ENY2: variants seen among roughly 807,000 people sequenced by gnomAD.
ENY2 encodes ENY2 transcription and export complex 2 subunit, also known as transcription and mRNA export factor ENY2.
ENY2 carries 4 observed loss-of-function variants against 15.9 expected under a neutral mutation model. The ratio of observed to expected loss-of-function variants is 0.25; its 90% confidence interval spans 0.12 to 0.57. The LOEUF (loss-of-function observed/expected upper bound fraction) is 0.57, where lower values mean the gene tolerates loss of function less well. Among genes scored for constraint, ENY2 ranks in the 20% least tolerant of loss-of-function variants. ENY2 has a pLI of 0.91. For missense variants in ENY2, 54 were observed against 117.2 expected, an observed-to-expected ratio of 0.46 and a Z score of 2.49; for synonymous variants, 48 against 38.0, an observed-to-expected ratio of 1.26 and a Z score of -0.97.
chr8:109,338,276 A>C (rs1015311480), intron 2 of ENY2: 9 of 152,182 alleles, frequency 5.9e-5, no homozygotes, highest in African/African-American at 2.2e-4. Context: ...AGAAAGGTGA[A>C]TTCTAGGTAT....
rs1816152120 is a variant in ENY2 at position 109,342,827 on chromosome 8, G to A, written c.230-578G>A. The A allele has an allele frequency of 5.3e-6, 3 of 564,186 alleles. No individual in the cohort carries two copies. In the South Asian group the frequency reaches 6.2e-5, roughly 12 times the overall value. 34.9% of individuals were successfully genotyped at this position (564,186 alleles called of 1,614,324 possible). ...CCAACACAGTATATTATTGACCTTT[G>A]TATTTTTGCCTATGATTGGTAAAAT... On this transcript the variant is annotated intron_variant, in intron 4 of 4. Transcript: ENST00000521688.
At chr8:109,336,274 A>G (rs1815983307) in intron 2 of ENY2, 70 bp downstream of exon 2, 5 of 1,256,862 alleles carry the variant, frequency 4.0e-6, no homozygotes, top group Non-Finnish European at 5.7e-6. Flanking sequence ...GAATCTAAAC[A>G]AGAAATGAAA....
rs1479828542 is a variant in ENY2 at position 109,344,462 on chromosome 8, A to G, written c.*981A>G. 6.6e-6 allele frequency: 1 copy of G among 152,180 alleles called. No homozygotes were observed. Among genetic ancestry groups the G allele is most frequent in the African/African-American group, 2.4e-5 (1 of 41,410 alleles). 9.4% of individuals were successfully genotyped at this position (152,180 alleles called of 1,614,324 possible). ...TTGATAAATGCTAAACTGTCTCCAA[A>G]CCAGACTTCATCCTAGCCTCCACAC... On this transcript the variant is annotated 3_prime_UTR_variant, in exon 5 of 5. Coordinates refer to ENST00000521688, the MANE Select transcript of ENY2 (RefSeq NM_020189.6).
intron 2 of ENY2, 91 bp from the exon 3 acceptor site, chr8:109,339,229 A>T: frequency 2.5e-6 from 3 of 1,189,792 alleles, no homozygotes; most frequent in Non-Finnish European, 3.7e-6. Flanking sequence ...GAAGGCAGGG[A>T]ATTTTTAGTT....
At chr8:109,335,989 AATG>A (rs1164312309) in intron 1 of ENY2, 136 bp from the exon 2 acceptor site, 2 of 728,416 alleles carry the variant, frequency 2.7e-6, no homozygotes, top group African/African-American at 3.6e-5. Context: ...AATAAAGAGT[AATG>A]ATATTATTAA....
chr8:109,343,322 A>G, intron 4 of ENY2, 83 bp from the exon 5 acceptor site: 1 of 1,094,608 alleles, frequency 9.1e-7, no homozygotes, highest in Non-Finnish European at 1.3e-6. Context: ...TATGTTGTTT[A>G]CCCTGAGCAA....
Position 109,334,347 on chromosome 8 carries a change from G to A in ENY2, c.-122G>A. On this transcript the variant is annotated 5_prime_UTR_variant, in exon 1 of 5. In the 5' UTR this introduces an upstream ATG that the reference lacks. Transcript: ENST00000521688. Reference sequence around the variant, plus strand: ...CCGGAAATGCGTGTTCTAGCTTTCTGTGTGCTTAGGTGCCCGAGCTACTGA... The same window carrying A: ...CCGGAAATGCGTGTTCTAGCTTTCTATGTGCTTAGGTGCCCGAGCTACTGA... 1 of 1,447,126 alleles carries A rather than the reference G, an allele frequency of 6.9e-7. No homozygotes were observed. Among genetic ancestry groups the A allele is most frequent in the Non-Finnish European group, 9.6e-7 (1 of 1,044,184 alleles). 89.6% of individuals were successfully genotyped at this position (1,447,126 alleles called of 1,614,324 possible).
At chr8:109,337,341 A>G (rs1816007273) in intron 2 of ENY2, among the ~76,000 whole-genome samples, 1 of 139,300 alleles carries the variant, frequency 7.2e-6, no homozygotes, top group Admixed American at 7.5e-5. Context: ...GGTAAGGAGT[A>G]CGGATTGTAT....
At chr8:109,343,255 T>A (rs1163757548) in intron 4 of ENY2, 150 bp from the exon 5 acceptor site, 4 of 578,864 alleles carry the variant, frequency 6.9e-6, no homozygotes, top group Non-Finnish European at 8.8e-6. Context: ...ACACTTTTCT[T>A]TGTCAGATAA....
At chr8:109,342,278 A>G (rs572631009) in intron 4 of ENY2, among the ~76,000 whole-genome samples, 17 of 150,830 alleles carry the variant, frequency 1.1e-4, no homozygotes, top group African/African-American at 3.6e-4. Context: ...CTCGGAGTGT[A>G]TATATGTGAA....
At position 109,344,803 on chromosome 8, in the gene ENY2, C is replaced by G. The variant is rs558665488; in HGVS notation, c.*1322C>G. 6.6e-6 allele frequency: 1 copy of G among 152,236 alleles called. No homozygotes were observed. Among genetic ancestry groups the G allele is most frequent in the African/African-American group, 2.4e-5 (1 of 41,540 alleles). The allele number at this position is 152,236 out of a possible 1,614,324, so 9.4% of individuals were successfully genotyped here. On this transcript the variant is annotated 3_prime_UTR_variant, in exon 5 of 5. Transcript: ENST00000521688. ...CCCTCGTAATTGTCTTAGTTCAAGC[C>G]CAGATTATTGTAGTAGACTTAGTAT...
At chr8:109,340,438 T>C (rs1480845884) in intron 3 of ENY2, 51 bp from the exon 4 acceptor site, 1 of 1,603,416 alleles carries the variant, frequency 6.2e-7, no homozygotes, top group East Asian at 2.3e-5. Flanking sequence ...AAAATCTTTC[T>C]TACAGATAAT....
intron 2 of ENY2, chr8:109,336,461 G>T: frequency 2.8e-6 from 1 of 353,100 alleles, no homozygotes; most frequent in Non-Finnish European, 5.2e-6. Context: ...GTACATACCT[G>T]AATTACAACT....
At chr8:109,336,089 G>C (rs1355396775) in intron 1 of ENY2, 39 bp from the exon 2 acceptor site, 1 of 1,598,426 alleles carries the variant, frequency 6.3e-7, no homozygotes, top group Non-Finnish European at 8.6e-7. Flanking sequence ...AAAATGCTTT[G>C]TAAATGTTCT....
intron 4 of ENY2, chr8:109,340,817 T>A (rs974528959): frequency 1.1e-5 from 4 of 380,188 alleles, no homozygotes; most frequent in Non-Finnish European, 1.9e-5. Flanking sequence ...AAATAATTTT[T>A]AAAATACGGG....
chr8:109,336,197 A>G lies in ENY2; in HGVS notation c.76A>G (p.Arg26Gly). ...CCAAAAGTTGATAGAAACTGGAGAAAGAGAACGGTAAGTAATAGATTGTGT... is the reference window on the plus strand; with the variant it reads ...CCAAAAGTTGATAGAAACTGGAGAAGGAGAACGGTAAGTAATAGATTGTGT... ...INQKLIETGE[R>G]ERLKELLRAK... Residue 26 changes from arginine to glycine, a missense_variant, in exon 2 of 5, where the codon AGA becomes GGA. Arg to Gly is a moderately radical substitution (Grantham distance 125). Coordinates refer to ENST00000521688, the MANE Select transcript of ENY2 (RefSeq NM_020189.6). 8 of 1,612,476 alleles carry G rather than the reference A, an allele frequency of 5.0e-6. No individual in the cohort carries two copies. Among genetic ancestry groups the G allele is most frequent in the Non-Finnish European group, 5.1e-6 (6 of 1,178,816 alleles).
At chr8:109,337,683 C>T (rs990130831) in intron 2 of ENY2, among the ~76,000 whole-genome samples, 1 of 152,114 alleles carries the variant, frequency 6.6e-6, no homozygotes, top group Non-Finnish European at 1.5e-5. Flanking sequence ...GCTGGCAGAT[C>T]ACAAGGTCAG....
intron 2 of ENY2, chr8:109,339,005 A>G (rs1449646632): frequency 3.4e-6 from 1 of 293,622 alleles, no homozygotes; most frequent in Non-Finnish European, 6.4e-6. Flanking sequence ...AAGACCCATG[A>G]TATTCCTGTT....
At chr8:109,340,260 C>CA in intron 3 of ENY2, 1 of 509,912 alleles carries the variant, frequency 2.0e-6, no homozygotes, top group Admixed American at 3.5e-5. Context: ...TTGTAAGTGT[C>CA]ACAATTATTT....
Sources: gnomAD v4.1 joint callset for allele counts (sites outside exome capture counted in the v4.1 genomes callset) on GRCh38, gnomAD v4.1.1 for gene constraint, MANE v1.5 for transcripts, NCBI Gene and HGNC (gene_info 2026-07-23, HGNC 2026-07-21) for gene names.